PNPLA1: variants seen among roughly 807,000 people sequenced by gnomAD.
PNPLA1 encodes the protein patatin like domain 1, omega-hydroxyceramide transacylase.
Under a neutral mutation model 51.7 loss-of-function variants are expected in PNPLA1, and 36 were observed. The ratio of observed to expected loss-of-function variants is 0.70; its 90% CI spans 0.53 to 0.92. The LOEUF (loss-of-function observed/expected upper bound fraction) is 0.92. Among genes scored for constraint, PNPLA1 ranks in the 40% least tolerant of loss-of-function variants. PNPLA1 has a pLI of 0.00. For missense variants in PNPLA1, 658 were observed against 682.5 expected (o/e 0.96, Z 0.40); for synonymous variants, 293 against 280.1 (o/e 1.05, Z -0.46).
intron 5 of PNPLA1, 74 bp from the exon 6 acceptor site, chr6:36,301,787 C>T: frequency 6.5e-7 from 1 of 1,527,776 alleles, no homozygotes; most frequent in Non-Finnish European, 8.8e-7. Context: ...AGGAAAATAA[C>T]TCAAGAAACC....
At chr6:36,285,018 C>A (rs1399942900) in intron 1 of PNPLA1, among the ~76,000 whole-genome samples, 1 of 152,130 alleles carries the variant, frequency 6.6e-6, no homozygotes, top group Non-Finnish European at 1.5e-5. Flanking sequence ...CGGAGGCTGG[C>A]TGTCACTGTG....
chr6:36,304,442 G>A (rs1267639377), intron 6 of PNPLA1, among the ~76,000 whole-genome samples: 12 of 151,814 alleles, frequency 7.9e-5, no homozygotes, highest in Non-Finnish European at 1.5e-4. Flanking sequence ...CCTAGCCAAC[G>A]TGGTGAAACC....
chr6:36,307,489 C>T, intron 7 of PNPLA1, 98 bp from the exon 8 acceptor site: 1 of 1,393,846 alleles, frequency 7.2e-7, no homozygotes. Flanking sequence ...TTGAGAACCA[C>T]AGCGCGGGTG....
intron 1 of PNPLA1, among the ~76,000 whole-genome samples, chr6:36,264,851 G>A (rs182801133): frequency 4.6e-5 from 7 of 152,340 alleles, no homozygotes; most frequent in Middle Eastern, 3.4e-3. Flanking sequence ...AAGCCAGCAA[G>A]CTTCTCAACT....
intron 1 of PNPLA1, among the ~76,000 whole-genome samples, chr6:36,281,811 G>A (rs544178969): frequency 1.3e-5 from 2 of 152,136 alleles, no homozygotes; most frequent in East Asian, 3.9e-4. Context: ...CCTGAGGTCA[G>A]GAGTTTGAGA....
In PNPLA1 at chr6:36,300,161, T is replaced by TTGTGTGTG. The variant is rs145503312; in HGVS notation, c.776-1689_776-1682dup. Among the ~76,000 whole-genome samples, 166 of 102,952 alleles carry TTGTGTGTG rather than the reference T, an allele frequency of 1.6e-3. 1 individual carries two copies. Among genetic ancestry groups the TTGTGTGTG allele is most frequent in the Middle Eastern group, 4.1e-3 (1 of 246 alleles). The allele number at this position is 102,952 out of a possible 152,430, so 67.5% of individuals were successfully genotyped here. On this transcript the variant is annotated intron_variant, in intron 5 of 8. Transcript: ENST00000636260. ...ACAGTTTCTCAGACTTTTCTTATTC[T>TTGTGTGTG]TGTGTGTGTGTGTGTGTGAGAGAGA...
chr6:36,262,617 G>T (rs139997165), intron 1 of PNPLA1, among the ~76,000 whole-genome samples: 1 of 152,086 alleles, frequency 6.6e-6, no homozygotes, highest in Non-Finnish European at 1.5e-5. Context: ...CATCCTCAGC[G>T]GTTTTATTTC....
intron 1 of PNPLA1, among the ~76,000 whole-genome samples, chr6:36,262,855 G>A (rs142209347): frequency 2.4e-3 from 363 of 152,314 alleles, no homozygotes; most frequent in Middle Eastern, 0.01. Context: ...TAACTAGCTT[G>A]CCATTGATAT....
upstream of PNPLA1, among the ~76,000 whole-genome samples, chr6:36,269,831 G>T (rs1769853665): frequency 6.6e-6 from 1 of 152,226 alleles, no homozygotes; most frequent in Non-Finnish European, 1.5e-5. Context: ...AAATGCTTGT[G>T]TAACACATCA....
chr6:36,254,133 T>C (rs554688025), intron 1 of PNPLA1, among the ~76,000 whole-genome samples: 1 of 152,354 alleles, frequency 6.6e-6, no homozygotes, highest in East Asian at 1.9e-4. Flanking sequence ...AAGTAAAGAA[T>C]GCATCATCAA....
intron 1 of PNPLA1, 58 bp from the exon 2 acceptor site, chr6:36,291,262 C>T (rs556469852): frequency 7.0e-6 from 10 of 1,427,502 alleles, no homozygotes; most frequent in Admixed American, 1.9e-5. Flanking sequence ...CTAGACCTCC[C>T]TTGGCCCCTG....
At chr6:36,287,886 G>A (rs1770550057) in intron 1 of PNPLA1, among the ~76,000 whole-genome samples, 2 of 152,146 alleles carry the variant, frequency 1.3e-5, no homozygotes. Flanking sequence ...GAGAGAATCA[G>A]ACAACTTCCT....
chr6:36,272,733 G>T (rs980802042), intron 1 of PNPLA1, among the ~76,000 whole-genome samples: 1 of 152,190 alleles, frequency 6.6e-6, no homozygotes, highest in African/African-American at 2.4e-5. Flanking sequence ...GGCTGTGTGA[G>T]GGAGAGGCTG....
intron 8 of PNPLA1, among the ~76,000 whole-genome samples, chr6:36,310,142 C>A (rs749342527): frequency 1.3e-5 from 2 of 152,208 alleles, no homozygotes; most frequent in African/African-American, 2.4e-5. Context: ...ATTACAAGGA[C>A]AAACATTTGT....
rs9470247 is a variant in PNPLA1 at position 36,294,706 on chromosome 6, G to A, written c.714+307G>A. Among the ~76,000 whole-genome samples, 140,834 of 152,158 alleles carry A rather than the reference G, an allele frequency of 0.93. 65,241 individuals are homozygous for A. Among genetic ancestry groups the A allele is most frequent in the East Asian group, 0.99 (5,110 of 5,174 alleles). On this transcript the variant is annotated intron_variant, in intron 4 of 8. Transcript: ENST00000636260. The surrounding 1 kb of genome is among the most constrained non-coding windows in gnomAD (Gnocchi z 4.2). ...CATGTCCCAAATCAAAGGTCGGCAAGCTGCAGCCCACGGGCCAAATCTAGC... is the reference window on the plus strand; with the variant it reads ...CATGTCCCAAATCAAAGGTCGGCAAACTGCAGCCCACGGGCCAAATCTAGC...
intron 8 of PNPLA1, among the ~76,000 whole-genome samples, chr6:36,310,263 C>T (rs1418862106): frequency 6.6e-6 from 1 of 152,232 alleles, no homozygotes. Context: ...TGATGCCAGA[C>T]TTGCTCTTCT....
At position 36,270,646 on chromosome 6, in the gene PNPLA1, A is replaced by G. The variant is rs1469525335; in HGVS notation, c.187A>G (p.Ile63Val). 2 of 1,550,948 alleles carry G rather than the reference A, an allele frequency of 1.3e-6. No individual in the cohort carries two copies. Among genetic ancestry groups the G allele is most frequent in the South Asian group, 1.2e-5 (1 of 84,042 alleles). ...SAGAVIAALAICGIEMDEYLR... is the reference protein window; with the variant it reads ...SAGAVIAALAVCGIEMDEYLR... ...AGGTGCTGTGATCGCCGCCCTGGCCATCTGCGGGATTGAAATGGGTGAGGC... is the reference window on the plus strand; with the variant it reads ...AGGTGCTGTGATCGCCGCCCTGGCCGTCTGCGGGATTGAAATGGGTGAGGC... Residue 63 changes from isoleucine (I) to valine (V), a missense_variant, in exon 1 of 9, where the codon ATC becomes GTC. Physicochemically the swap from Ile to Val is conservative, Grantham distance 29. Coordinates refer to ENST00000636260, the MANE Select transcript of PNPLA1 (RefSeq NM_001374623.1).
At chr6:36,278,964 T>C (rs1770194068) in intron 1 of PNPLA1, among the ~76,000 whole-genome samples, 1 of 152,124 alleles carries the variant, frequency 6.6e-6, no homozygotes, top group Non-Finnish European at 1.5e-5. Context: ...AGGGGAAGGA[T>C]GGGAGAATGA....
intron 1 of PNPLA1, among the ~76,000 whole-genome samples, chr6:36,248,913 C>T (rs1021950881): frequency 1.3e-5 from 2 of 152,150 alleles, no homozygotes; most frequent in African/African-American, 4.8e-5. Context: ...TGGGCAAGGT[C>T]GGCACTGCTT....
Sources: gnomAD v4.1 joint callset for allele counts (sites outside exome capture counted in the v4.1 genomes callset) on GRCh38, gnomAD v4.1.1 for gene constraint, Gnocchi (gnomAD v3.1) non-coding constraint, MANE v1.5 for transcripts, NCBI Gene and HGNC (gene_info 2026-07-23, HGNC 2026-07-21) for gene names.